Variants in BCAS4 observed in about 807,000 individuals in gnomAD.
BCAS4 encodes the protein breast carcinoma amplified sequence 4.
In BCAS4, 9 loss-of-function variants were observed where a neutral mutation model predicts 15.7. That is an observed-to-expected ratio of 0.57 (90% CI 0.34 to 1.00). BCAS4 has a LOEUF of 1.00. Among genes scored for constraint, BCAS4 ranks in the 50% least tolerant of loss-of-function variants. The probability of loss-of-function intolerance (pLI) is 0.02; values close to 1 mark genes in which losing one functional copy is unlikely to be tolerated. For synonymous variants in BCAS4, 101 were observed against 99.5 expected (o/e 1.02, Z -0.09); for missense variants, 225 against 239.1 (o/e 0.94, Z 0.39).
chr20:50,811,825 G>A (rs1231599898), intron 1 of BCAS4, among the ~76,000 whole-genome samples: 3 of 152,140 alleles, frequency 2.0e-5, no homozygotes, highest in Admixed American at 6.5e-5. Flanking sequence ...GTTTTGCCAT[G>A]TTGGCCAGGC....
At chr20:50,881,586 C>T (rs1209428729), downstream of BCAS4, 2 of 151,546 alleles carry the variant, frequency 1.3e-5, no homozygotes, top group African/African-American at 2.4e-5. Flanking sequence ...TAATGTATGC[C>T]AATAAGTATG....
At chr20:50,825,705 C>T (rs536253367) in intron 2 of BCAS4, among the ~76,000 whole-genome samples, 1 of 152,244 alleles carries the variant, frequency 6.6e-6, no homozygotes, top group African/African-American at 2.4e-5. Flanking sequence ...GGTGAAACCC[C>T]ATCTCTACTA....
At chr20:50,814,889 C>T (rs984363178) in intron 1 of BCAS4, among the ~76,000 whole-genome samples, 3 of 152,162 alleles carry the variant, frequency 2.0e-5, no homozygotes, top group Admixed American at 1.3e-4. Flanking sequence ...AGGAGGATTG[C>T]ATGAGGCCAG....
At chr20:50,830,225 AG>A in intron 2 of BCAS4, 53 bp from the exon 3 acceptor site, 1 of 1,468,080 alleles carries the variant, frequency 6.8e-7, no homozygotes, top group Admixed American at 1.7e-5. Context: ...TGAGGCAGGC[AG>A]GAGGACACAG....
chr20:50,850,856 T>C (rs936203940), intron 4 of BCAS4, among the ~76,000 whole-genome samples: 1 of 152,218 alleles, frequency 6.6e-6, no homozygotes, highest in African/African-American at 2.4e-5. Context: ...GCTTCTTGCC[T>C]GCCTCCCAGA....
chr20:50,841,076 C>T (rs911281889), intron 3 of BCAS4: 3 of 330,990 alleles, frequency 9.1e-6, no homozygotes, highest in African/African-American at 2.2e-5. Flanking sequence ...GTGATCTACC[C>T]GCCTCAGCCT....
rs1284090579 is a variant in BCAS4, at chr20:50,844,788, C to T, written c.399+2888C>T. Reference sequence around the variant, plus strand: ...TGGCTGGGGCATGCTGGGACCTGCACCCTCTCCTCTCCGCCACACTGGGCC... The same window carrying T: ...TGGCTGGGGCATGCTGGGACCTGCATCCTCTCCTCTCCGCCACACTGGGCC... On this transcript the variant is annotated intron_variant, in intron 4 of 4. Transcript: ENST00000371608. 3.3e-5 allele frequency among the ~76,000 whole-genome samples: 5 copies of T among 152,246 alleles called. No individual in the cohort carries two copies. The East Asian group carries it at 9.7e-4, about 29-fold the overall frequency.
At chr20:50,867,096 T>C (rs1018390375) in intron 4 of BCAS4, among the ~76,000 whole-genome samples, 12 of 152,204 alleles carry the variant, frequency 7.9e-5, no homozygotes, top group African/African-American at 2.9e-4. Flanking sequence ...GAGACTCTCT[T>C]TGTACTCCTT....
chr20:50,796,240 G>A (rs1404699837), intron 1 of BCAS4, among the ~76,000 whole-genome samples: 5 of 146,844 alleles, frequency 3.4e-5, no homozygotes, highest in South Asian at 2.2e-4. Flanking sequence ...AAAATTAGCC[G>A]GGTGTGTAAT....
At position 50,801,427 on chromosome 20, in the gene BCAS4, C is replaced by G. The variant is rs549559674; in HGVS notation, c.90+6254C>G. 5.9e-5 allele frequency among the ~76,000 whole-genome samples: 9 copies of G among 151,982 alleles called. No homozygotes were observed. In the East Asian group the frequency reaches 1.4e-3, roughly 23 times the overall value. ...GGGTGACAAGAGTGAGACTCTGTCTCAAAAACAAAAAACAAAAAAGTCTCT... is the reference window on the plus strand; with the variant it reads ...GGGTGACAAGAGTGAGACTCTGTCTGAAAAACAAAAAACAAAAAAGTCTCT... On this transcript the variant is annotated intron_variant, in intron 1 of 4. Transcript: ENST00000371608.
At position 50,812,477 on chromosome 20, in the gene BCAS4, C is replaced by T. The variant is rs140075005; in HGVS notation, c.91-5734C>T. ...ATTGAGATAGAGTCTTGCTCTCTCG[C>T]CCAGGCTGGAGTGCAGTGGAGCGAT... On this transcript the variant is annotated intron_variant, in intron 1 of 4. Transcript: ENST00000371608. Among the ~76,000 whole-genome samples the T allele has an allele frequency of 4.4e-4, 66 of 149,730 alleles. 1 individual carries two copies. In the East Asian group the frequency reaches 9.1e-3, roughly 21 times the overall value.
At chr20:50,806,038 A>G (rs1195239238) in intron 1 of BCAS4, among the ~76,000 whole-genome samples, 1 of 151,988 alleles carries the variant, frequency 6.6e-6, no homozygotes, top group Non-Finnish European at 1.5e-5. Flanking sequence ...TATTCAGCAC[A>G]GCCCACTTCT....
chr20:50,837,155 G>A (rs2088419500), intron 3 of BCAS4, among the ~76,000 whole-genome samples: 1 of 152,240 alleles, frequency 6.6e-6, no homozygotes, highest in Non-Finnish European at 1.5e-5. Flanking sequence ...GAGGCACAGA[G>A]ATGAGAAGTG....
rs1486077804 is a variant in BCAS4 at position 50,847,695 on chromosome 20, T to C, written c.399+5795T>C. On this transcript the variant is annotated intron_variant, in intron 4 of 4. Transcript: ENST00000371608. The stretch of plus-strand genomic sequence containing the variant: ...TGCCTTGGTAGAGAGCTGTGATCTC[T>C]TCAGGGAGCTTGTGTCTGGTGCAAG... 5.9e-5 allele frequency among the ~76,000 whole-genome samples: 9 copies of C among 152,314 alleles called. No individual in the cohort carries two copies. The East Asian group carries it at 1.7e-3, about 29-fold the overall frequency.
At chr20:50,812,225 T>C (rs967557661) in intron 1 of BCAS4, among the ~76,000 whole-genome samples, 1 of 151,512 alleles carries the variant, frequency 6.6e-6, no homozygotes, top group Admixed American at 6.6e-5. Flanking sequence ...CTCTGCTTCC[T>C]GGGTTCACGC....
intron 3 of BCAS4, 49 bp from the exon 4 acceptor site, chr20:50,841,717 G>C (rs1192962476): frequency 1.2e-6 from 2 of 1,612,712 alleles, no homozygotes; most frequent in Non-Finnish European, 1.7e-6. Context: ...GCCAGGAATG[G>C]GCTCCAGCCT....
Position 50,841,878 on chromosome 20 carries a change from C to A in BCAS4, c.377C>A (p.Ala126Glu). ...PQALRRWLGS[A>E]GLPSFRNKSP... ...GCCCTGCGGAGGTGGCTGGGATCCG[C>A]AGGGCTCCCCTCCTTCAGGAACGTG... The change falls in exon 4 of 5, where the codon GCA (alanine) becomes GAA (glutamate). Residue 126 changes from alanine (A) to glutamate (E), a missense_variant. Transcript: ENST00000371608. 1 of 1,594,432 alleles carries A rather than the reference C, an allele frequency of 6.3e-7. No homozygotes were observed. Among genetic ancestry groups the A allele is most frequent in the Non-Finnish European group, 8.6e-7 (1 of 1,168,918 alleles).
At position 50,820,413 on chromosome 20, in the gene BCAS4, A is replaced by G. The variant is rs184788440; in HGVS notation, c.162+2131A>G. ...TGAATCTGGGGCTGTAAGGAGAAAT[A>G]GAGAATTCAACAGATGGGGAAGGAG... is the stretch of plus-strand genomic sequence containing the variant. On this transcript the variant is annotated intron_variant, in intron 2 of 4. Coordinates refer to ENST00000371608, the MANE Select transcript of BCAS4 (RefSeq NM_198799.4). Among the ~76,000 whole-genome samples the G allele has an allele frequency of 6.7e-4, 102 of 152,292 alleles. No individual in the cohort carries two copies. The East Asian group carries it at 0.017, about 26-fold the overall frequency.
At chr20:50,802,760 G>A (rs2087942765) in intron 1 of BCAS4, among the ~76,000 whole-genome samples, 2 of 152,160 alleles carry the variant, frequency 1.3e-5, no homozygotes, top group African/African-American at 4.8e-5. Flanking sequence ...TGTAATCCCA[G>A]CTACTTGGGA....
Sources: gnomAD v4.1 joint callset for allele counts (sites outside exome capture counted in the v4.1 genomes callset) on GRCh38, gnomAD v4.1.1 for gene constraint, MANE v1.5 for transcripts, NCBI Gene and HGNC (gene_info 2026-07-23, HGNC 2026-07-21) for gene names.